MAP2K5: variants seen among roughly 807,000 people sequenced by gnomAD.
MAP2K5 encodes mitogen-activated protein kinase kinase 5.
A neutral mutation model predicts 83.1 loss-of-function variants in MAP2K5; 49 were observed. The observed-to-expected ratio is 0.59, with a 90% CI of 0.47 to 0.75. The LOEUF (loss-of-function observed/expected upper bound fraction) is 0.75. Among genes scored for constraint, MAP2K5 ranks in the 30% least tolerant of loss-of-function variants. MAP2K5 has a pLI of 0.00. For synonymous variants in MAP2K5, 202 were observed against 191.8 expected, an observed-to-expected ratio of 1.05 and a Z score of -0.44; for missense variants, 457 against 557.5, an observed-to-expected ratio of 0.82 and a Z score of 1.82.
At chr15:67,595,923 A>C (rs2085515289) in intron 7 of MAP2K5, among the ~76,000 whole-genome samples, 1 of 152,068 alleles carries the variant, frequency 6.6e-6, no homozygotes, top group African/African-American at 2.4e-5. Context: ...AAAAGTGCAC[A>C]GTTACTCCAA....
At chr15:67,558,436 C>G (rs1197352772) in intron 2 of MAP2K5, among the ~76,000 whole-genome samples, 3 of 152,206 alleles carry the variant, frequency 2.0e-5, no homozygotes, top group Non-Finnish European at 4.4e-5. Flanking sequence ...CCAAACTGGT[C>G]TCCCTGTTCT....
chr15:67,639,596 C>T (rs961176016), intron 9 of MAP2K5, among the ~76,000 whole-genome samples: 2 of 152,216 alleles, frequency 1.3e-5, no homozygotes, highest in Admixed American at 6.5e-5. Context: ...TGCCAAGGGT[C>T]ATCCTGGTCA....
At position 67,790,102 on chromosome 15, in the gene MAP2K5, T is replaced by C. The variant is rs918920987; in HGVS notation, c.1243-16544T>C. On this transcript the variant is annotated intron_variant, in intron 21 of 21. Coordinates refer to ENST00000178640, the MANE Select transcript of MAP2K5 (RefSeq NM_145160.3). The surrounding 1 kb of genome is among the most constrained non-coding windows in gnomAD (Gnocchi z 4.6). ...CCCTTTGTTTGGTTGTGTATCTTTC[T>C]TCCACTCTTAAAAAAGCAGGCTTGG... Among the ~76,000 whole-genome samples, 1 of 152,194 alleles carries C rather than the reference T, an allele frequency of 6.6e-6. No homozygotes were observed. Among genetic ancestry groups the C allele is most frequent in the Admixed American group, 6.5e-5 (1 of 15,290 alleles).
chr15:67,714,364 C>T (rs2088775394), intron 16 of MAP2K5, among the ~76,000 whole-genome samples: 1 of 130,866 alleles, frequency 7.6e-6, no homozygotes, highest in African/African-American at 2.8e-5. Flanking sequence ...TGGCTCTTGC[C>T]TCTAAATATA....
chr15:67,771,654 G>A (rs750508719), intron 20 of MAP2K5, among the ~76,000 whole-genome samples: 1 of 152,170 alleles, frequency 6.6e-6, no homozygotes, highest in Non-Finnish European at 1.5e-5. Flanking sequence ...TGGATGCAGT[G>A]TTTGAGAGGT....
rs1295217891 is a variant in MAP2K5 at position 67,559,330 on chromosome 15, G to C, written c.185-3953G>C. Among the ~76,000 whole-genome samples the C allele has an allele frequency of 2.0e-5, 3 of 152,148 alleles. No homozygotes were observed. Among genetic ancestry groups the C allele is most frequent in the Non-Finnish European group, 2.9e-5 (2 of 68,018 alleles). ...AGCCCCTGTCACTGCAGTGGGTGCT[G>C]TTTGGCTGAGAGCTCCCTGGAGTCT... On this transcript the variant is annotated intron_variant, in intron 2 of 21. Coordinates refer to ENST00000178640, the MANE Select transcript of MAP2K5 (RefSeq NM_145160.3). The surrounding 1 kb of genome is among the most constrained non-coding windows in gnomAD (Gnocchi z 4.7).
chr15:67,551,185 T>C (rs1380663424), intron 2 of MAP2K5, among the ~76,000 whole-genome samples: 1 of 152,212 alleles, frequency 6.6e-6, no homozygotes, highest in African/African-American at 2.4e-5. Flanking sequence ...GTACTTCCTT[T>C]TTGGAGGATA....
At chr15:67,622,478 A>G (rs2086209572) in intron 8 of MAP2K5, among the ~76,000 whole-genome samples, 1 of 152,196 alleles carries the variant, frequency 6.6e-6, no homozygotes, top group South Asian at 2.1e-4. Flanking sequence ...GGAGATGAGT[A>G]TAATAACTTC....
chr15:67,607,183 T>C (rs961431177), intron 8 of MAP2K5, among the ~76,000 whole-genome samples: 4 of 152,248 alleles, frequency 2.6e-5, no homozygotes, highest in African/African-American at 9.6e-5. Context: ...CAAGATCATA[T>C]TTTAAAGAAG....
intron 8 of MAP2K5, among the ~76,000 whole-genome samples, chr15:67,623,675 G>A (rs568396469): frequency 1.3e-5 from 2 of 149,796 alleles, no homozygotes; most frequent in Admixed American, 6.7e-5. Context: ...TCGGCTCATC[G>A]TAACCTCCAC....
intron 8 of MAP2K5, among the ~76,000 whole-genome samples, chr15:67,612,141 T>G (rs572410505): frequency 1.3e-5 from 2 of 151,878 alleles, no homozygotes; most frequent in East Asian, 3.9e-4. Context: ...AAATCATTTC[T>G]GGAATCTAAA....
At chr15:67,598,410 A>G (rs1168479519) in intron 7 of MAP2K5, among the ~76,000 whole-genome samples, 1 of 152,146 alleles carries the variant, frequency 6.6e-6, no homozygotes, top group Non-Finnish European at 1.5e-5. Context: ...GGTTATCTGA[A>G]GGATTCCATA....
chr15:67,806,756 C>A lies in MAP2K5; in HGVS notation c.*6C>A. Reference sequence around the variant, plus strand: ...GCCAGCAGGGGCCCCCGTGAGGCTGCCGCAGGGCACTGAAAGCCCAGGACC... The same window carrying A: ...GCCAGCAGGGGCCCCCGTGAGGCTGACGCAGGGCACTGAAAGCCCAGGACC... On this transcript the variant is annotated 3_prime_UTR_variant, in exon 22 of 22. Coordinates refer to ENST00000178640, the MANE Select transcript of MAP2K5 (RefSeq NM_145160.3). 1 of 1,560,400 alleles carries A rather than the reference C, an allele frequency of 6.4e-7. No individual in the cohort carries two copies.
At chr15:67,687,058 G>A (rs931854864) in intron 13 of MAP2K5, among the ~76,000 whole-genome samples, 6 of 152,136 alleles carry the variant, frequency 3.9e-5, no homozygotes, top group African/African-American at 1.2e-4. Context: ...CATGGATGTA[G>A]ACATTCATCA....
In MAP2K5 at chr15:67,702,830, C is replaced by G. The variant is rs888304463; in HGVS notation, c.973-507C>G. ...AAATAGGAATGTGTATTGCTCTGATCTCATTTTTTCAAATTTCCTATAAGT... is the reference window on the plus strand; with the variant it reads ...AAATAGGAATGTGTATTGCTCTGATGTCATTTTTTCAAATTTCCTATAAGT... On this transcript the variant is annotated intron_variant, in intron 15 of 21. Coordinates refer to ENST00000178640, the MANE Select transcript of MAP2K5 (RefSeq NM_145160.3). The surrounding 1 kb of genome is among the most constrained non-coding windows in gnomAD (Gnocchi z 4.6). 6.6e-6 allele frequency among the ~76,000 whole-genome samples: 1 copy of G among 152,136 alleles called. No individual in the cohort carries two copies. Among genetic ancestry groups the G allele is most frequent in the African/African-American group, 2.4e-5 (1 of 41,414 alleles).
chr15:67,672,481 G>C lies in MAP2K5; in HGVS notation c.847+7836G>C, dbSNP rs200178086. On this transcript the variant is annotated intron_variant, in intron 13 of 21. Transcript: ENST00000178640. Reference sequence around the variant, plus strand: ...CTTCTTTTGAGAAGTGTCTGTTCATGTCCTTCGCCCACTTTTTGATGGGGT... The same window carrying C: ...CTTCTTTTGAGAAGTGTCTGTTCATCTCCTTCGCCCACTTTTTGATGGGGT... Among the ~76,000 whole-genome samples the C allele has an allele frequency of 2.0e-5, 3 of 147,848 alleles. No individual in the cohort carries two copies. The South Asian group carries it at 6.5e-4, about 32-fold the overall frequency.
At chr15:67,715,614 G>A (rs568984455) in intron 16 of MAP2K5, among the ~76,000 whole-genome samples, 3 of 152,184 alleles carry the variant, frequency 2.0e-5, no homozygotes, top group African/African-American at 7.2e-5. Context: ...CTCATATCAT[G>A]TATACACACA....
At chr15:67,657,979 A>G (rs1474986581) in intron 11 of MAP2K5, among the ~76,000 whole-genome samples, 1 of 152,108 alleles carries the variant, frequency 6.6e-6, no homozygotes, top group Non-Finnish European at 1.5e-5. Flanking sequence ...TCTGATAGGA[A>G]AAAATATTTG....
chr15:67,774,938 G>A lies in MAP2K5; in HGVS notation c.1242+2186G>A, dbSNP rs1337328734. Reference sequence around the variant, plus strand: ...GAAAGAAAATTAGAGATGGGCAGCTGGAAATACTGGAAGTTATAGATTCAC... The same window carrying A: ...GAAAGAAAATTAGAGATGGGCAGCTAGAAATACTGGAAGTTATAGATTCAC... On this transcript the variant is annotated intron_variant, in intron 21 of 21. Coordinates refer to ENST00000178640, the MANE Select transcript of MAP2K5 (RefSeq NM_145160.3). This position sits in a 1 kb window ranked among gnomAD's most constrained non-coding sequence, Gnocchi z 4.9. 6.6e-6 allele frequency among the ~76,000 whole-genome samples: 1 copy of A among 152,212 alleles called. No individual in the cohort carries two copies. The highest frequency in any genetic ancestry group is 1.9e-4 in the East Asian group (1 of 5,194).
Sources: allele counts gnomAD v4.1 joint callset (sites outside exome capture counted in the v4.1 genomes callset), GRCh38; gene constraint gnomAD v4.1.1; non-coding constraint Gnocchi (gnomAD v3.1); transcripts MANE v1.5; gene names NCBI Gene and HGNC (gene_info 2026-07-23, HGNC 2026-07-21).